Variants in PDLIM5 observed in about 807,000 individuals in gnomAD.
PDLIM5 encodes the protein PDZ and LIM domain 5.
A neutral mutation model predicts 64.2 loss-of-function variants in PDLIM5; 34 were observed. That is an observed-to-expected ratio of 0.53 (90% CI 0.40 to 0.71). The LOEUF (loss-of-function observed/expected upper bound fraction) is 0.71, where lower values mean the gene tolerates loss of function less well. Ranked by LOEUF, PDLIM5 falls within the 30% of genes least tolerant of loss-of-function variation. The pLI is 0.00. For synonymous variants in PDLIM5, 253 were observed against 269.1 expected, an observed-to-expected ratio of 0.94 and a Z score of 0.59; for missense variants, 683 against 733.6, an observed-to-expected ratio of 0.93 and a Z score of 0.80.
intron 9 of PDLIM5, among the ~76,000 whole-genome samples, chr4:94,650,709 G>A (rs537047057): frequency 9.4e-4 from 143 of 152,282 alleles, no homozygotes; most frequent in Non-Finnish European, 1.7e-3. Flanking sequence ...TCCCAGTTAG[G>A]TTGTGCCTGT....
At chr4:94,490,867 G>T (rs1726810693) in intron 2 of PDLIM5, among the ~76,000 whole-genome samples, 1 of 152,118 alleles carries the variant, frequency 6.6e-6, no homozygotes, top group Non-Finnish European at 1.5e-5. Context: ...GAGCATAGGA[G>T]TGCTTTCTTA....
intron 2 of PDLIM5, among the ~76,000 whole-genome samples, chr4:94,505,277 T>G (rs1728290439): frequency 1.3e-5 from 2 of 151,976 alleles, no homozygotes; most frequent in Non-Finnish European, 2.9e-5. Flanking sequence ...TTTTTTTTTT[T>G]GGAAACAGCC....
At chr4:94,611,053 T>C in intron 7 of PDLIM5, 1 of 1,529,318 alleles carries the variant, frequency 6.5e-7, no homozygotes, top group Non-Finnish European at 8.8e-7. Context: ...TAAAACTCTT[T>C]CTAAATGCTT....
chr4:94,490,067 G>GT (rs1172359165), intron 2 of PDLIM5, among the ~76,000 whole-genome samples: 156 of 148,964 alleles, frequency 1.0e-3, no homozygotes, highest in Middle Eastern at 3.5e-3. Context: ...GTTTTTGTGG[G>GT]TTTTTTTTTG....
intron 7 of PDLIM5, chr4:94,611,016 C>T: frequency 7.3e-7 from 1 of 1,367,228 alleles, no homozygotes. Flanking sequence ...GAACTACTGT[C>T]TGCTATTGGT....
chr4:94,546,831 G>C (rs1407195209), intron 3 of PDLIM5, among the ~76,000 whole-genome samples: 9 of 150,968 alleles, frequency 6.0e-5, no homozygotes, highest in South Asian at 2.1e-4. Context: ...CTGACATTAG[G>C]CCCCCCCCAC....
intron 11 of PDLIM5, among the ~76,000 whole-genome samples, chr4:94,661,298 G>GCT: frequency 6.6e-6 from 1 of 152,126 alleles, no homozygotes; most frequent in South Asian, 2.1e-4. Context: ...GGAGACAGAG[G>GCT]CAGGAGGAGG....
chr4:94,652,684 G>A (rs143739697), intron 9 of PDLIM5, among the ~76,000 whole-genome samples: 18 of 151,980 alleles, frequency 1.2e-4, no homozygotes, highest in African/African-American at 4.1e-4. Context: ...GTAAACAAAG[G>A]CATTCCTTAT....
intron 10 of PDLIM5, 116 bp downstream of exon 10, chr4:94,654,756 C>T (rs956331756): frequency 4.7e-5 from 31 of 659,648 alleles, no homozygotes; most frequent in South Asian, 1.7e-4. Context: ...GCCCTCTCTG[C>T]TTTCGGCACT....
At chr4:94,556,777 T>C (rs1455031463) in intron 3 of PDLIM5, among the ~76,000 whole-genome samples, 6 of 152,200 alleles carry the variant, frequency 3.9e-5, no homozygotes, top group Non-Finnish European at 7.3e-5. Flanking sequence ...GTAAATTTGT[T>C]TGAGTTCTTT....
At chr4:94,633,985 G>T (rs188306126) in intron 8 of PDLIM5, among the ~76,000 whole-genome samples, 1 of 152,092 alleles carries the variant, frequency 6.6e-6, no homozygotes, top group East Asian at 1.9e-4. Flanking sequence ...TCAGAAGCAC[G>T]CTGGCCAGTA....
intron 3 of PDLIM5, among the ~76,000 whole-genome samples, chr4:94,548,732 C>T (rs565566270): frequency 6.6e-6 from 1 of 152,270 alleles, no homozygotes; most frequent in Non-Finnish European, 1.5e-5. Context: ...GGCACACCCA[C>T]TTCCCTCTAA....
chr4:94,584,040 G>T (rs1260540789), intron 5 of PDLIM5, among the ~76,000 whole-genome samples: 1 of 152,196 alleles, frequency 6.6e-6, no homozygotes, highest in African/African-American at 2.4e-5. Flanking sequence ...CTGGGGAAAA[G>T]CTTTTCCAGT....
At chr4:94,572,151 A>G (rs1189072566) in intron 3 of PDLIM5, among the ~76,000 whole-genome samples, 1 of 152,188 alleles carries the variant, frequency 6.6e-6, no homozygotes, top group African/African-American at 2.4e-5. Flanking sequence ...AAACAAGCTC[A>G]TGGTTTATAG....
chr4:94,585,276 G>A (rs1736084332), intron 5 of PDLIM5, among the ~76,000 whole-genome samples: 1 of 151,952 alleles, frequency 6.6e-6, no homozygotes, highest in Non-Finnish European at 1.5e-5. Context: ...ATTTTTAGCA[G>A]AGACGGAGTT....
intron 2 of PDLIM5, among the ~76,000 whole-genome samples, chr4:94,506,615 A>G (rs1188345440): frequency 6.6e-6 from 1 of 152,210 alleles, no homozygotes; most frequent in African/African-American, 2.4e-5. Context: ...ACATCTAAAT[A>G]CTGAATTTGA....
chr4:94,506,141 C>T (rs1728374486), intron 2 of PDLIM5, among the ~76,000 whole-genome samples: 2 of 152,186 alleles, frequency 1.3e-5, no homozygotes, highest in South Asian at 4.1e-4. Flanking sequence ...ATATGTATTT[C>T]ATAGTATCAC....
chr4:94,548,313 C>T (rs1229745177), intron 3 of PDLIM5, among the ~76,000 whole-genome samples: 1 of 152,182 alleles, frequency 6.6e-6, no homozygotes, highest in Non-Finnish European at 1.5e-5. Flanking sequence ...ATTCCAAACT[C>T]TAAGCCTTTA....
chr4:94,595,576 A>G (rs1737007744), intron 7 of PDLIM5, among the ~76,000 whole-genome samples: 1 of 152,212 alleles, frequency 6.6e-6, no homozygotes, highest in African/African-American at 2.4e-5. Context: ...AAAATTTAGG[A>G]AGCATAAATT....
Sources: allele counts gnomAD v4.1 joint callset (sites outside exome capture counted in the v4.1 genomes callset), GRCh38; gene constraint gnomAD v4.1.1; transcripts MANE v1.5; gene names NCBI Gene and HGNC (gene_info 2026-07-23, HGNC 2026-07-21).